Variants in DST observed in about 807,000 individuals in gnomAD.
DST encodes the protein dystonin.
Under a neutral mutation model 875.2 loss-of-function variants are expected in DST, and 253 were observed. The observed-to-expected ratio is 0.29, with a 90% CI of 0.26 to 0.32. The LOEUF is 0.32. DST is among the 10% of genes least tolerant of loss of function. DST has a pLI of 1.00. For missense variants in DST, 8,287 were observed against 9,111.6 expected (o/e 0.91, Z 3.68); for synonymous variants, 3,124 against 3,197.1 (o/e 0.98, Z 0.77).
At chr6:56,792,575 A>G (rs949306934) in intron 4 of DST, among the ~76,000 whole-genome samples, 2 of 152,082 alleles carry the variant, frequency 1.3e-5, no homozygotes, top group African/African-American at 4.8e-5. Flanking sequence ...AGCTGGGAAC[A>G]CAGGGGTACA....
rs1347889514 is a variant in DST at position 56,640,133 on chromosome 6, AT to A, written c.2490+9del. ...ACTGAAACACTCAGGTAAAGTAAAC[AT>A]TTTTTTACCTGCATCTCATCAACCC... On this transcript the variant is annotated intron_variant, in intron 18 of 103. Coordinates refer to ENST00000680361, the MANE Select transcript of DST (RefSeq NM_001374736.1). The A allele has an allele frequency of 1.1e-5, 18 of 1,612,636 alleles. No homozygotes were observed. The highest frequency in any genetic ancestry group is 1.5e-5 in the Non-Finnish European group (18 of 1,178,870).
intron 2 of DST, among the ~76,000 whole-genome samples, chr6:56,910,741 T>C (rs1326056914): frequency 6.6e-6 from 1 of 152,182 alleles, no homozygotes; most frequent in African/African-American, 2.4e-5. Flanking sequence ...CACCTCGGCC[T>C]CCCAAAGTGC....
At chr6:56,871,776 TAAAAAAAA>T (rs746142378) in intron 3 of DST, 90 of 95,508 alleles carry the variant, frequency 9.4e-4, no homozygotes, top group African/African-American at 3.7e-3. Context: ...CAATTAAAAG[TAAAAAAAA>T]AAAAAAAAAA....
intron 9 of DST, among the ~76,000 whole-genome samples, chr6:56,677,608 C>T (rs536904398): frequency 6.6e-6 from 1 of 152,324 alleles, no homozygotes; most frequent in South Asian, 2.1e-4. Flanking sequence ...CAGCACCTAG[C>T]CCCACCATAA....
In DST at chr6:56,603,842, C is replaced by T. The variant is rs183029836; in HGVS notation, c.10786G>A (p.Glu3596Lys). Reference sequence around the variant, plus strand: ...AAATGTATAGGTCAACTTACTTGTTCGGTTGAGCTATCTCCAGAAGCCATC... The same window carrying T: ...AAATGTATAGGTCAACTTACTTGTTTGGTTGAGCTATCTCCAGAAGCCATC... ...KEMASGDSST[E>K]QFSSELQQCL... The change falls in exon 40 of 104, where the codon GAA becomes AAA. Residue 3596 changes from glutamate (E) to lysine (K), a missense_variant. Around this residue, in one of 10 missense-constraint regions of DST, gnomAD observed 3,138 missense variants for 3,116.6 expected, o/e 1.01. Coordinates refer to ENST00000680361, the MANE Select transcript of DST (RefSeq NM_001374736.1). The T allele has an allele frequency of 1.3e-4, 216 of 1,606,792 alleles. No homozygotes were observed. The African/African-American group carries it at 1.9e-3, about 14-fold the overall frequency.
chr6:56,861,549 C>A (rs1444658807), intron 3 of DST, among the ~76,000 whole-genome samples: 1 of 152,198 alleles, frequency 6.6e-6, no homozygotes, highest in Non-Finnish European at 1.5e-5. Context: ...TCTTAGAACA[C>A]CTGAGATCCA....
At chr6:56,497,821 C>A in intron 81 of DST, 35 bp downstream of exon 81, 1 of 1,538,564 alleles carries the variant, frequency 6.5e-7, no homozygotes. Flanking sequence ...GTCTTGAATG[C>A]TATAAAAACT....
At chr6:56,733,350 C>T (rs2099509860) in intron 5 of DST, among the ~76,000 whole-genome samples, 1 of 152,134 alleles carries the variant, frequency 6.6e-6, no homozygotes, top group Non-Finnish European at 1.5e-5. Flanking sequence ...AAAAGAGACA[C>T]AGATAAGGGA....
At chr6:56,867,644 A>G (rs1446976646) in intron 3 of DST, among the ~76,000 whole-genome samples, 1 of 152,152 alleles carries the variant, frequency 6.6e-6, no homozygotes, top group Admixed American at 6.5e-5. Flanking sequence ...ACATGGTGAA[A>G]CCCCGTCTCT....
chr6:56,953,659 T>C lies in DST; in HGVS notation c.216+126A>G, dbSNP rs1823536263. ...ATCACTTAAAAGGAAACATGCCACT[T>C]TCGGCTAGGGGACAGCATGTTCGTC... On this transcript the variant is annotated intron_variant, in intron 2 of 103. Transcript: ENST00000680361. 1.6e-5 allele frequency: 10 copies of C among 634,982 alleles called. No individual in the cohort carries two copies. In the South Asian group the frequency reaches 1.9e-4, roughly 12 times the overall value. 39.3% of individuals were successfully genotyped at this position (634,982 alleles called of 1,614,324 possible).
rs748334911 is a variant in DST at position 56,631,840 on chromosome 6, T to C, written c.3963+43A>G. 5.0e-5 allele frequency: 79 copies of C among 1,586,518 alleles called. 1 individual carries two copies. The East Asian group carries it at 9.4e-4, about 19-fold the overall frequency. On this transcript the variant is annotated intron_variant, in intron 29 of 103. Transcript: ENST00000680361. ...TCACAAGAGTTGATACATAAGGTCA[T>C]TAAGAGAGTTAGTTTTTTTCCCAAC...
intron 4 of DST, among the ~76,000 whole-genome samples, chr6:56,799,758 A>C (rs1347476317): frequency 6.6e-6 from 1 of 151,872 alleles, no homozygotes; most frequent in Non-Finnish European, 1.5e-5. Flanking sequence ...AGTAGCGGGG[A>C]TAACAGGCAC....
rs150266492 is a variant in DST at position 56,640,524 on chromosome 6, T to C, written c.2109A>G (p.Thr703=). ...CTGATATCATGAGCTTTGTCTGTTCTGTTGTCAGTATGCGTCCTTTGCTGT... is the reference window on the plus strand; with the variant it reads ...CTGATATCATGAGCTTTGTCTGTTCCGTTGTCAGTATGCGTCCTTTGCTGT... ...SVYSKGRILT[T]EQTKLMISGI... Residue 703 remains threonine (T), a synonymous_variant, in exon 18 of 104, where the codon ACA becomes ACG. Coordinates refer to ENST00000680361, the MANE Select transcript of DST (RefSeq NM_001374736.1). 9 of 1,614,106 alleles carry C rather than the reference T, an allele frequency of 5.6e-6. No individual in the cohort carries two copies. The African/African-American group carries it at 1.1e-4, about 19-fold the overall frequency.
rs745662463 is a variant in DST, at chr6:56,460,198, G to A, written c.23127C>T (p.Gly7709=). The A allele has an allele frequency of 6.2e-7, 1 of 1,613,962 alleles. No individual in the cohort carries two copies. The part of the protein sequence containing the change: ...LRLPGYLSGK[G]FHSGEDSGLI... ...AGCCACTGTCCTCCCCAGAGTGGAAGCCTTTCCCTGATAAATATCCTGGAA... is the reference window on the plus strand; with the variant it reads ...AGCCACTGTCCTCCCCAGAGTGGAAACCTTTCCCTGATAAATATCCTGGAA... The change falls in exon 103 of 104, where the codon GGC becomes GGT. Residue 7709 remains glycine, a synonymous_variant. Transcript: ENST00000680361.
intron 4 of DST, among the ~76,000 whole-genome samples, chr6:56,840,333 T>C (rs562760562): frequency 1.3e-5 from 2 of 152,312 alleles, no homozygotes; most frequent in South Asian, 4.1e-4. Flanking sequence ...ACACGGTATA[T>C]ACACTGGATA....
rs748818838 is a variant in DST at position 56,604,186 on chromosome 6, G to A, written c.10442C>T (p.Thr3481Met). Residue 3481 changes from threonine (T) to methionine (M), a missense_variant, in exon 40 of 104, where the codon ACG becomes ATG. Physicochemically the swap from Thr to Met is moderately conservative, Grantham distance 81 (BLOSUM62 -1). Coordinates refer to ENST00000680361, the MANE Select transcript of DST (RefSeq NM_001374736.1). ...MEYDLEKRGITSKVLPLQLEN... is the reference protein window; with the variant it reads ...MEYDLEKRGIMSKVLPLQLEN... Reference sequence around the variant, plus strand: ...AAGCTGCAGTGGAAGTACTTTAGACGTAATGCCTCTTTTCTCTAGGTCATA... The same window carrying A: ...AAGCTGCAGTGGAAGTACTTTAGACATAATGCCTCTTTTCTCTAGGTCATA... 1.2e-5 allele frequency: 19 copies of A among 1,601,546 alleles called. No individual in the cohort carries two copies. Among genetic ancestry groups the A allele is most frequent in the East Asian group, 1.1e-4 (5 of 44,614 alleles).
chr6:56,639,608 T>C lies in DST; in HGVS notation c.2701A>G (p.Thr901Ala), dbSNP rs539351151. ...AGGTGCCGTTCTTGATTCCTGGATG[T>C]ATTCTTTAGTAAGGAAAATCATCAT... ...LESQYAKLLN[T>A]SRNQERHLDT... Residue 901 changes from threonine to alanine, a missense_variant, in exon 21 of 104, where the codon ACA becomes GCA. By Grantham distance (58) the Thr-to-Ala change is moderately conservative (BLOSUM62 0). Transcript: ENST00000680361. 10 of 1,613,842 alleles carry C rather than the reference T, an allele frequency of 6.2e-6. No homozygotes were observed. Among genetic ancestry groups the C allele is most frequent in the African/African-American group, 4.0e-5 (3 of 75,024 alleles).
At chr6:56,935,710 G>A (rs1483114614) in intron 2 of DST, among the ~76,000 whole-genome samples, 1 of 152,116 alleles carries the variant, frequency 6.6e-6, no homozygotes, top group Non-Finnish European at 1.5e-5. Context: ...GGCGGATCAC[G>A]AGGTCAAGAG....
chr6:56,537,080 A>G (rs571159173), intron 61 of DST, 140 bp from the exon 62 acceptor site: 1 of 684,598 alleles, frequency 1.5e-6, no homozygotes, highest in African/African-American at 1.8e-5. Context: ...GTCTAGCCAT[A>G]GGTCATAGCT....
Sources: allele counts gnomAD v4.1 joint callset (sites outside exome capture counted in the v4.1 genomes callset), GRCh38; gene constraint gnomAD v4.1.1; regional missense constraint gnomAD v4.1.1; transcripts MANE v1.5; gene names NCBI Gene and HGNC (gene_info 2026-07-23, HGNC 2026-07-21).